Variants in DCLK1 observed in about 807,000 individuals in gnomAD.
DCLK1 encodes the protein serine/threonine-protein kinase DCLK1.
In DCLK1, 16 loss-of-function variants were observed where a neutral mutation model predicts 86.2. The observed-to-expected ratio is 0.19, with a 90% CI of 0.13 to 0.28. The LOEUF (loss-of-function observed/expected upper bound fraction) is 0.28. Ranked by LOEUF, DCLK1 falls within the 10% of genes least tolerant of loss-of-function variation. DCLK1 has a pLI of 1.00. For synonymous variants in DCLK1, 369 were observed against 370.5 expected (o/e 1.00, Z 0.05); for missense variants, 590 against 940.2 (o/e 0.63, Z 4.87).
At chr13:35,988,772 GC>G (rs1322126859) in intron 3 of DCLK1, among the ~76,000 whole-genome samples, 1 of 152,166 alleles carries the variant, frequency 6.6e-6, no homozygotes, top group Non-Finnish European at 1.5e-5. Context: ...AAGGAAAGTT[GC>G]CCATGTTGCA....
intron 3 of DCLK1, among the ~76,000 whole-genome samples, chr13:35,963,984 G>T (rs1018823700): frequency 6.6e-6 from 1 of 152,246 alleles, no homozygotes; most frequent in East Asian, 1.9e-4. Context: ...TTTGAGAAAA[G>T]CAATTTCTTT....
chr13:36,003,364 G>C (rs1423379116), intron 3 of DCLK1, among the ~76,000 whole-genome samples: 2 of 152,052 alleles, frequency 1.3e-5, no homozygotes, highest in Non-Finnish European at 2.9e-5. Flanking sequence ...TATTATTACT[G>C]GTTTGGAGAA....
intron 3 of DCLK1, among the ~76,000 whole-genome samples, chr13:35,965,493 C>T (rs771360947): frequency 2.0e-5 from 3 of 152,136 alleles, no homozygotes; most frequent in Non-Finnish European, 2.9e-5. Flanking sequence ...TGGTTGTAAG[C>T]GATGTTTCCA....
At chr13:36,122,672 C>A (rs1177104250) in intron 2 of DCLK1, among the ~76,000 whole-genome samples, 3 of 152,054 alleles carry the variant, frequency 2.0e-5, no homozygotes, top group Admixed American at 1.3e-4. Flanking sequence ...CGGAAATAGG[C>A]CTGCAATTCA....
intron 3 of DCLK1, among the ~76,000 whole-genome samples, chr13:36,077,495 A>C (rs1884254729): frequency 6.6e-6 from 1 of 152,222 alleles, no homozygotes; most frequent in East Asian, 1.9e-4. Context: ...AGCTGGAGAC[A>C]GGAAAGATGA....
At chr13:35,894,755 C>T (rs1873852266) in intron 4 of DCLK1, among the ~76,000 whole-genome samples, 1 of 152,110 alleles carries the variant, frequency 6.6e-6, no homozygotes, top group Non-Finnish European at 1.5e-5. Context: ...AATGTGTAGG[C>T]ACGAGGAGCA....
At chr13:35,911,448 A>G (rs1308918836) in intron 4 of DCLK1, among the ~76,000 whole-genome samples, 2 of 152,084 alleles carry the variant, frequency 1.3e-5, no homozygotes, top group East Asian at 1.9e-4. Flanking sequence ...ACAGTGGCAG[A>G]TCTCCTGTTA....
intron 16 of DCLK1, among the ~76,000 whole-genome samples, chr13:35,779,817 ACT>A (rs977531795): frequency 2.0e-5 from 3 of 152,082 alleles, no homozygotes; most frequent in African/African-American, 7.2e-5. Context: ...AATTAACTTG[ACT>A]CTAAAATATA....
At chr13:36,056,906 A>AAAAAAATAT (rs4054844) in intron 3 of DCLK1, among the ~76,000 whole-genome samples, 11 of 130,146 alleles carry the variant, frequency 8.5e-5, no homozygotes, top group South Asian at 2.4e-4. Flanking sequence ...AAAAAAAAAA[A>AAAAAAATAT]ATATATATAT....
At chr13:35,914,496 C>T (rs1184191464) in intron 4 of DCLK1, among the ~76,000 whole-genome samples, 1 of 150,694 alleles carries the variant, frequency 6.6e-6, no homozygotes, top group African/African-American at 2.4e-5. Context: ...GTGGGTAGAT[C>T]ACTTGAGGCC....
At chr13:36,060,532 C>A (rs2153159131) in intron 3 of DCLK1, among the ~76,000 whole-genome samples, 1 of 152,242 alleles carries the variant, frequency 6.6e-6, no homozygotes, top group South Asian at 2.1e-4. Flanking sequence ...AATACATAAT[C>A]ATTAATTTTG....
intron 3 of DCLK1, among the ~76,000 whole-genome samples, chr13:35,991,141 G>T (rs569991759): frequency 1.1e-3 from 171 of 152,166 alleles, no homozygotes; most frequent in African/African-American, 4.0e-3. Flanking sequence ...GACCCTCATG[G>T]GAGAGGTACC....
intron 4 of DCLK1, among the ~76,000 whole-genome samples, chr13:35,928,614 C>T (rs1876255590): frequency 6.6e-6 from 1 of 152,180 alleles, no homozygotes; most frequent in South Asian, 2.1e-4. Context: ...TAAATGCATT[C>T]CTCTGATAAG....
rs58801666 is a variant in DCLK1 at position 35,901,491 on chromosome 13, C to CAAAAAAAAAAAA, written c.824-30163_824-30152dup. On this transcript the variant is annotated intron_variant, in intron 4 of 16. Transcript: ENST00000360631. ...GGTGACAGAGTGAGAGACTCTGTCTCAAAAAAAAAAAAAAAAAAAAAAAAA... is the reference window on the plus strand; with the variant it reads ...GGTGACAGAGTGAGAGACTCTGTCTCAAAAAAAAAAAAAAAAAAAAAAAAAAAAAAAAAAAAA... Among the ~76,000 whole-genome samples the CAAAAAAAAAAAA allele has an allele frequency of 2.5e-3, 115 of 45,876 alleles. 24 individuals carry two copies. The highest frequency in any genetic ancestry group is 0.01 in the African/African-American group (106 of 10,368). The allele number at this position is 45,876 out of a possible 152,430, so 30.1% of individuals were successfully genotyped here. A position where few individuals can be genotyped will look rare whatever the true frequency, so the allele number is the denominator to read the frequency against.
rs183296820 is a variant in DCLK1 at position 35,954,395 on chromosome 13, A to G, written c.724-6938T>C. 1.7e-3 allele frequency among the ~76,000 whole-genome samples: 264 copies of G among 152,254 alleles called. 1 individual carries two copies. Among genetic ancestry groups the G allele is most frequent in the African/African-American group, 5.9e-3 (247 of 41,554 alleles). On this transcript the variant is annotated intron_variant, in intron 3 of 16. Transcript: ENST00000360631. ...GAGGTTCCTCTTCCAATTTCATTCC[A>G]TACTTGGCTTCTTCTCTCCATTCTT...
At chr13:35,968,461 C>T (rs1288914726) in intron 3 of DCLK1, among the ~76,000 whole-genome samples, 4 of 152,166 alleles carry the variant, frequency 2.6e-5, no homozygotes, top group African/African-American at 7.2e-5. Flanking sequence ...CAGAATTCCC[C>T]TTAGCTTCCT....
intron 3 of DCLK1, among the ~76,000 whole-genome samples, chr13:35,986,995 G>A (rs1879949464): frequency 6.6e-6 from 1 of 152,182 alleles, no homozygotes; most frequent in Non-Finnish European, 1.5e-5. Flanking sequence ...AAGGTTTAAT[G>A]CTCTTGTAAA....
At chr13:35,781,892 G>A (rs994009925) in intron 16 of DCLK1, among the ~76,000 whole-genome samples, 4 of 152,142 alleles carry the variant, frequency 2.6e-5, no homozygotes, top group African/African-American at 4.8e-5. Context: ...CTGACAAATC[G>A]ATTGAAATAT....
chr13:36,128,094 T>C (rs1453069021), intron 1 of DCLK1, among the ~76,000 whole-genome samples: 3 of 152,140 alleles, frequency 2.0e-5, no homozygotes, highest in Non-Finnish European at 2.9e-5. Flanking sequence ...TGGCCCTCAG[T>C]AAACTGACCT....
Sources: allele counts gnomAD v4.1 joint callset (sites outside exome capture counted in the v4.1 genomes callset), GRCh38; gene constraint gnomAD v4.1.1; transcripts MANE v1.5; gene names NCBI Gene and HGNC (gene_info 2026-07-23, HGNC 2026-07-21).